ZHX2: variants seen among roughly 807,000 people sequenced by gnomAD.
The protein encoded by ZHX2 is zinc fingers and homeoboxes 2, also known as zinc fingers and homeoboxes protein 2.
Under a neutral mutation model 21.9 loss-of-function variants are expected in ZHX2, and 6 were observed. The observed-to-expected ratio is 0.27, with a 90% CI of 0.15 to 0.54. ZHX2 has a LOEUF of 0.54. ZHX2 is among the 20% of genes least tolerant of loss of function. The probability of loss-of-function intolerance (pLI) is 0.95; values close to 1 mark genes in which losing one functional copy is unlikely to be tolerated. For synonymous variants in ZHX2, 434 were observed against 437.1 expected (o/e 0.99, Z 0.09); for missense variants, 908 against 1,090.7 (o/e 0.83, Z 2.36).
At chr8:122,858,256 A>G (rs996097655) in intron 1 of ZHX2, among the ~76,000 whole-genome samples, 1 of 152,208 alleles carries the variant, frequency 6.6e-6, no homozygotes, top group South Asian at 2.1e-4. Context: ...TTAGGACATC[A>G]TGGCCTTTTT....
At chr8:122,818,397 T>C (rs1253894795) in intron 1 of ZHX2, among the ~76,000 whole-genome samples, 1 of 152,114 alleles carries the variant, frequency 6.6e-6, no homozygotes, top group Non-Finnish European at 1.5e-5. Context: ...TTCATCCCCA[T>C]GTCTGTGTTG....
intron 1 of ZHX2, among the ~76,000 whole-genome samples, chr8:122,824,922 G>A (rs953407064): frequency 2.6e-5 from 4 of 152,202 alleles, no homozygotes; most frequent in East Asian, 1.9e-4. Context: ...AACAGCCCCC[G>A]TCCATCTTCA....
intron 3 of ZHX2, among the ~76,000 whole-genome samples, chr8:122,958,678 T>A (rs1813366730): frequency 6.6e-6 from 1 of 152,224 alleles, no homozygotes; most frequent in Non-Finnish European, 1.5e-5. Flanking sequence ...ACCTCTCAAC[T>A]GTCAGGCCAG....
At chr8:122,880,029 G>A (rs1819671807) in intron 2 of ZHX2, among the ~76,000 whole-genome samples, 1 of 144,744 alleles carries the variant, frequency 6.9e-6, no homozygotes, top group African/African-American at 2.6e-5. Context: ...CTAGAGTACA[G>A]TGGTGCAATC....
At chr8:122,831,895 G>A (rs141283241) in intron 1 of ZHX2, among the ~76,000 whole-genome samples, 281 of 152,302 alleles carry the variant, frequency 1.8e-3, no homozygotes, top group Non-Finnish European at 3.1e-3. Context: ...GAGTGAGGGC[G>A]ATGAGTTCAG....
chr8:122,814,442 C>T (rs139899460), intron 1 of ZHX2, among the ~76,000 whole-genome samples: 239 of 152,260 alleles, frequency 1.6e-3, no homozygotes, highest in Non-Finnish European at 2.7e-3. Context: ...TTCCATTTCA[C>T]GCAACTTTTG....
intron 2 of ZHX2, among the ~76,000 whole-genome samples, chr8:122,947,251 C>A (rs1373652061): frequency 1.3e-4 from 20 of 149,618 alleles, no homozygotes; most frequent in African/African-American, 3.2e-4. Flanking sequence ...GGCAACAGAG[C>A]AAGACCCCAT....
At chr8:122,940,455 T>C (rs1337129859) in intron 2 of ZHX2, among the ~76,000 whole-genome samples, 1 of 152,098 alleles carries the variant, frequency 6.6e-6, no homozygotes, top group East Asian at 1.9e-4. Flanking sequence ...CACCACCCCA[T>C]CCCACCTCTG....
chr8:122,903,755 G>A (rs1396704760), intron 2 of ZHX2, among the ~76,000 whole-genome samples: 5 of 152,178 alleles, frequency 3.3e-5, no homozygotes, highest in Non-Finnish European at 7.3e-5. Context: ...CTAGAAAGAT[G>A]AAACTGGTGT....
chr8:122,865,796 A>G (rs953477505), intron 2 of ZHX2, among the ~76,000 whole-genome samples: 7 of 152,224 alleles, frequency 4.6e-5, no homozygotes, highest in Admixed American at 4.6e-4. Context: ...AGGCCCAATG[A>G]TGGGACAGGA....
intron 1 of ZHX2, among the ~76,000 whole-genome samples, chr8:122,819,986 A>G (rs897504357): frequency 7.4e-5 from 11 of 149,642 alleles, no homozygotes; most frequent in Non-Finnish European, 1.5e-4. Flanking sequence ...AAAGGCGTCC[A>G]TAAATCCAGC....
intron 2 of ZHX2, among the ~76,000 whole-genome samples, chr8:122,906,170 TAACTC>T (rs1437656264): frequency 1.3e-5 from 2 of 152,256 alleles, no homozygotes; most frequent in African/African-American, 4.8e-5. Context: ...GAGACATACT[TAACTC>T]TAATAGCTAT....
At chr8:122,896,185 G>A (rs1023070108) in intron 2 of ZHX2, among the ~76,000 whole-genome samples, 7 of 151,854 alleles carry the variant, frequency 4.6e-5, no homozygotes, top group Non-Finnish European at 7.4e-5. Context: ...TGTTCTCCCT[G>A]GGCTGACTCT....
At chr8:122,801,871 T>A (rs1817727976) in intron 1 of ZHX2, among the ~76,000 whole-genome samples, 1 of 152,202 alleles carries the variant, frequency 6.6e-6, no homozygotes, top group Admixed American at 6.5e-5. Context: ...TTTGGATGCG[T>A]TGACTTGGAA....
chr8:122,848,565 G>T (rs1818808059), intron 1 of ZHX2, among the ~76,000 whole-genome samples: 1 of 152,170 alleles, frequency 6.6e-6, no homozygotes, highest in Non-Finnish European at 1.5e-5. Flanking sequence ...AGACGTTTGG[G>T]TCCCATTCAC....
At chr8:122,902,946 G>GTTTTATCC (rs1376553526) in intron 2 of ZHX2, among the ~76,000 whole-genome samples, 2 of 152,164 alleles carry the variant, frequency 1.3e-5, no homozygotes, top group Non-Finnish European at 2.9e-5. Flanking sequence ...AAGGCCTCCT[G>GTTTTATCC]GGTGAGCACA....
Position 122,967,639 on chromosome 8 carries a change from A to G in ZHX2, c.*5-5603A>G, listed in dbSNP as rs554790155. ...CTCAAATGCTGGTTACACCAGCAGT[A>G]AAATTGCCACATGGACAGACTCAGG... On this transcript the variant is annotated intron_variant, in intron 3 of 3. Coordinates refer to ENST00000314393, the MANE Select transcript of ZHX2 (RefSeq NM_014943.5). Among the ~76,000 whole-genome samples, 6 of 152,366 alleles carry G rather than the reference A, an allele frequency of 3.9e-5. No individual in the cohort carries two copies. The South Asian group carries it at 1.2e-3, about 32-fold the overall frequency.
chr8:122,923,339 C>T (rs1820781348), intron 2 of ZHX2, among the ~76,000 whole-genome samples: 1 of 152,210 alleles, frequency 6.6e-6, no homozygotes, highest in Non-Finnish European at 1.5e-5. Flanking sequence ...GTCTGTCTCC[C>T]TGCTTGGGTA....
At chr8:122,870,259 G>A (rs1363443173) in intron 2 of ZHX2, among the ~76,000 whole-genome samples, 3 of 152,184 alleles carry the variant, frequency 2.0e-5, no homozygotes, top group Non-Finnish European at 4.4e-5. Flanking sequence ...TCAGGATGGA[G>A]CTGTTTGCAG....
Sources: gnomAD v4.1 joint callset for allele counts (sites outside exome capture counted in the v4.1 genomes callset) on GRCh38, gnomAD v4.1.1 for gene constraint, MANE v1.5 for transcripts, NCBI Gene and HGNC (gene_info 2026-07-23, HGNC 2026-07-21) for gene names.